Variants in POU6F2 observed in about 807,000 individuals in gnomAD.
POU6F2 encodes the protein POU class 6 homeobox 2.
Under a neutral mutation model 71.3 loss-of-function variants are expected in POU6F2, and 31 were observed. The ratio of observed to expected loss-of-function variants is 0.43; its 90% CI spans 0.33 to 0.59. POU6F2 has a LOEUF of 0.59. Ranked by LOEUF, POU6F2 falls within the 20% of genes least tolerant of loss-of-function variation. The pLI, the probability that POU6F2 is intolerant of heterozygous loss-of-function variation, is 0.04. For synonymous variants in POU6F2, 347 were observed against 355.7 expected, an observed-to-expected ratio of 0.98 and a Z score of 0.27; for missense variants, 783 against 856.8, an observed-to-expected ratio of 0.91 and a Z score of 1.07.
intron 4 of POU6F2, among the ~76,000 whole-genome samples, chr7:39,217,641 T>A (rs1349869165): frequency 1.3e-5 from 2 of 152,126 alleles, no homozygotes; most frequent in Admixed American, 1.3e-4. Context: ...GTGCATAAAT[T>A]CATATTCACA....
At chr7:39,008,547 T>G (rs1292484232) in intron 1 of POU6F2, among the ~76,000 whole-genome samples, 829 of 127,684 alleles carry the variant, frequency 6.5e-3, no homozygotes, top group South Asian at 0.014. Flanking sequence ...TTTGTCAATT[T>G]TGGCTTTTGT....
chr7:39,246,928 T>TTTTTTC (rs1783831768), intron 4 of POU6F2, among the ~76,000 whole-genome samples: 1 of 98,806 alleles, frequency 1.0e-5, no homozygotes, highest in Non-Finnish European at 2.2e-5. Flanking sequence ...TTTTTTTTTT[T>TTTTTTC]GCGACGGAGT....
At position 39,015,930 on chromosome 7, in the gene POU6F2, T is replaced by TGTA. The variant is rs1370075923; in HGVS notation, c.105+37872_105+37873insGTA. Among the ~76,000 whole-genome samples the TGTA allele has an allele frequency of 4.0e-4, 19 of 47,814 alleles. 3 individuals carry two copies. The highest frequency in any genetic ancestry group is 6.0e-4 in the Admixed American group (2 of 3,350). The allele number at this position is 47,814 out of a possible 152,430, so 31.4% of individuals were successfully genotyped here. On this transcript the variant is annotated intron_variant, in intron 1 of 9. Transcript: ENST00000518318. The stretch of plus-strand genomic sequence containing the variant: ...ATATTATATATTATATATAGATATA[T>TGTA]ATAATATATAGATATATATTATATA...
At chr7:39,119,452 T>C (rs1005676438) in intron 2 of POU6F2, among the ~76,000 whole-genome samples, 4 of 152,086 alleles carry the variant, frequency 2.6e-5, no homozygotes, top group African/African-American at 9.7e-5. Context: ...TCAAAGATGG[T>C]GATATAATTT....
chr7:39,106,981 A>C (rs1791703371), intron 2 of POU6F2, among the ~76,000 whole-genome samples: 1 of 146,782 alleles, frequency 6.8e-6, no homozygotes, highest in African/African-American at 2.5e-5. Context: ...TCTTCTGTGA[A>C]TTGCCTATTT....
intron 5 of POU6F2, among the ~76,000 whole-genome samples, chr7:39,348,788 G>A (rs562225287): frequency 6.6e-6 from 1 of 152,206 alleles, no homozygotes; most frequent in South Asian, 2.1e-4. Context: ...GGGTAGGCAG[G>A]TAGAAAGATA....
At chr7:39,200,207 G>C (rs1442994636) in intron 2 of POU6F2, among the ~76,000 whole-genome samples, 1 of 152,168 alleles carries the variant, frequency 6.6e-6, no homozygotes, top group Non-Finnish European at 1.5e-5. Flanking sequence ...ATTCAGCCTT[G>C]CCTGGGTAAC....
At chr7:39,399,175 A>G (rs771945127) in intron 5 of POU6F2, among the ~76,000 whole-genome samples, 3 of 152,010 alleles carry the variant, frequency 2.0e-5, no homozygotes, top group Non-Finnish European at 2.9e-5. Context: ...CCAGGTCTGG[A>G]TACTGCTTCC....
At chr7:39,160,885 T>G (rs180763481) in intron 2 of POU6F2, among the ~76,000 whole-genome samples, 2 of 152,328 alleles carry the variant, frequency 1.3e-5, no homozygotes, top group Admixed American at 6.5e-5. Context: ...TACCTTTTTT[T>G]GGGTGCCTCT....
rs568799674 is a variant in POU6F2 at position 39,237,189 on chromosome 7, A to G, written c.598+29569A>G. ...GAGAAGGCGCATCAGCAAATGGAAA[A>G]CCAAGGAAAACAAAGCTCTAAGCGT... On this transcript the variant is annotated intron_variant, in intron 4 of 9. Transcript: ENST00000518318. 9.9e-5 allele frequency among the ~76,000 whole-genome samples: 15 copies of G among 152,280 alleles called. No individual in the cohort carries two copies. The East Asian group carries it at 2.7e-3, about 28-fold the overall frequency.
intron 2 of POU6F2, among the ~76,000 whole-genome samples, chr7:39,087,160 A>ATTAAT (rs1791270284): frequency 1.0e-5 from 1 of 98,142 alleles, no homozygotes; most frequent in African/African-American, 3.3e-5. Context: ...TAATTAATTA[A>ATTAAT]TTTATTTATT....
chr7:39,142,848 C>T (rs1792532340), intron 2 of POU6F2, among the ~76,000 whole-genome samples: 1 of 152,166 alleles, frequency 6.6e-6, no homozygotes, highest in South Asian at 2.1e-4. Context: ...TTCCACATGT[C>T]ATATGCTTTT....
At chr7:39,031,984 C>T (rs543610777) in intron 1 of POU6F2, among the ~76,000 whole-genome samples, 3 of 152,244 alleles carry the variant, frequency 2.0e-5, no homozygotes, top group South Asian at 4.2e-4. Flanking sequence ...TCAATAGTTG[C>T]GTCCCACTGA....
chr7:39,338,353 G>A (rs966074815), intron 4 of POU6F2, among the ~76,000 whole-genome samples: 2 of 152,196 alleles, frequency 1.3e-5, no homozygotes, highest in Admixed American at 6.5e-5. Flanking sequence ...GGATGATGCC[G>A]GGGTACTTTC....
At chr7:39,197,496 C>G (rs923928549) in intron 2 of POU6F2, among the ~76,000 whole-genome samples, 1 of 152,244 alleles carries the variant, frequency 6.6e-6, no homozygotes, top group African/African-American at 2.4e-5. Flanking sequence ...AAGGACGAAG[C>G]AAGAGGGAGG....
At chr7:39,294,642 C>A (rs1331303680) in intron 4 of POU6F2, among the ~76,000 whole-genome samples, 1 of 151,912 alleles carries the variant, frequency 6.6e-6, no homozygotes, top group Non-Finnish European at 1.5e-5. Flanking sequence ...GTTGCTGTAC[C>A]ATTGAAGTCC....
chr7:39,253,732 A>C (rs1464759277), intron 4 of POU6F2, among the ~76,000 whole-genome samples: 1 of 152,182 alleles, frequency 6.6e-6, no homozygotes, highest in Admixed American at 6.6e-5. Context: ...AGTGATGCCT[A>C]GAGCAACTGC....
intron 1 of POU6F2, among the ~76,000 whole-genome samples, chr7:39,007,026 C>A (rs563016388): frequency 6.6e-6 from 1 of 152,104 alleles, no homozygotes; most frequent in Non-Finnish European, 1.5e-5. Flanking sequence ...TTCTCCAAAA[C>A]GTTAGATTTA....
chr7:39,324,559 T>C (rs1785471271), intron 4 of POU6F2, among the ~76,000 whole-genome samples: 2 of 152,252 alleles, frequency 1.3e-5, no homozygotes, highest in African/African-American at 4.8e-5. Context: ...GATGTTGAGG[T>C]TGCTTGTTAT....
Sources: allele counts gnomAD v4.1 joint callset (sites outside exome capture counted in the v4.1 genomes callset), GRCh38; gene constraint gnomAD v4.1.1; transcripts MANE v1.5; gene names NCBI Gene and HGNC (gene_info 2026-07-23, HGNC 2026-07-21).